The following PARP16 variants were observed in gnomAD, a reference collection of about 807,000 sequenced individuals.
PARP16 encodes poly(ADP-ribose) polymerase family member 16, also known as protein mono-ADP-ribosyltransferase PARP16.
A neutral mutation model predicts 35.0 loss-of-function variants in PARP16; 31 were observed. That is an observed-to-expected ratio of 0.88 (90% CI 0.66 to 1.19). The LOEUF is 1.19. Ranked by LOEUF, PARP16 falls within the 50% of genes most tolerant of loss-of-function variation. The pLI is 0.00. For missense variants in PARP16, 424 were observed against 411.2 expected, an observed-to-expected ratio of 1.03 and a Z score of -0.27; for synonymous variants, 162 against 169.5, an observed-to-expected ratio of 0.96 and a Z score of 0.34.
chr15:65,245,240 A>C (rs1218299589), intron 3 of PARP16, among the ~76,000 whole-genome samples: 1 of 152,020 alleles, frequency 6.6e-6, no homozygotes, highest in Non-Finnish European at 1.5e-5. Flanking sequence ...TCGCCACCCC[A>C]CCTCCTAACC....
At chr15:65,267,467 C>T (rs1489890626) in intron 2 of PARP16, among the ~76,000 whole-genome samples, 2 of 148,718 alleles carry the variant, frequency 1.3e-5, no homozygotes, top group East Asian at 2.1e-4. Flanking sequence ...ATTAGCCGGG[C>T]GTGGTGGTGG....
At chr15:65,233,274 C>T (rs191977394), downstream of PARP16, among the ~76,000 whole-genome samples, 2 of 152,010 alleles carry the variant, frequency 1.3e-5, no homozygotes, top group Non-Finnish European at 2.9e-5. Flanking sequence ...ATTAGCCGGG[C>T]GCCTGTAGTC....
rs571641769 is a variant in PARP16 at position 65,241,252 on chromosome 15, T to C, written c.*98-6429A>G. Among the ~76,000 whole-genome samples, 16 of 152,070 alleles carry C rather than the reference T, an allele frequency of 1.1e-4. No homozygotes were observed. The East Asian group carries it at 3.1e-3, about 29-fold the overall frequency. ...GCCTTCCAGGTTCAAGTGATTCTTC[T>C]GCCTCAGCCTCCCAAGTAGCTGGGG... On this transcript the variant is annotated intron_variant and NMD_transcript_variant, in intron 3 of 3. Transcript: ENST00000559805.
downstream of PARP16, chr15:65,258,048 T>C (rs953088811): frequency 1.1e-4 from 16 of 152,246 alleles, no homozygotes; most frequent in African/African-American, 2.9e-4. Context: ...CAACAAGGCA[T>C]ATAGGGCAGA....
At chr15:65,260,544 T>A (rs1231151747) in intron 5 of PARP16, among the ~76,000 whole-genome samples, 1 of 152,206 alleles carries the variant, frequency 6.6e-6, no homozygotes, top group Non-Finnish European at 1.5e-5. Context: ...GTCACTGCCC[T>A]GCCTCTCAGC....
intron 3 of PARP16, among the ~76,000 whole-genome samples, chr15:65,242,391 T>C (rs1401346011): frequency 1.8e-5 from 2 of 112,944 alleles, no homozygotes; most frequent in Non-Finnish European, 3.8e-5. Context: ...TCAGCTTGTT[T>C]ACTACAAAAA....
At chr15:65,281,778 C>G (rs921196796) in intron 1 of PARP16, among the ~76,000 whole-genome samples, 10 of 151,542 alleles carry the variant, frequency 6.6e-5, no homozygotes, top group African/African-American at 2.4e-4. Flanking sequence ...ACTTTGAGGA[C>G]AGTGGTAAGA....
At chr15:65,276,288 C>G (rs1174729178) in intron 1 of PARP16, among the ~76,000 whole-genome samples, 1 of 152,216 alleles carries the variant, frequency 6.6e-6, no homozygotes, top group African/African-American at 2.4e-5. Context: ...GGGAACCAGG[C>G]ACACAAGTAG....
intron 2 of PARP16, among the ~76,000 whole-genome samples, chr15:65,249,578 C>T (rs550922667): frequency 2.0e-4 from 30 of 152,350 alleles, no homozygotes; most frequent in African/African-American, 7.0e-4. Context: ...GCAGCCCCAC[C>T]CAGCCAGGCA....
At chr15:65,272,432 G>C (rs2090124597) in intron 1 of PARP16, among the ~76,000 whole-genome samples, 1 of 152,214 alleles carries the variant, frequency 6.6e-6, no homozygotes, top group South Asian at 2.1e-4. Context: ...TTGCTCAGAA[G>C]TTATGACTGA....
chr15:65,273,886 A>AAC (rs2090169322), intron 1 of PARP16, among the ~76,000 whole-genome samples: 1 of 151,466 alleles, frequency 6.6e-6, no homozygotes, highest in African/African-American at 2.4e-5. Context: ...CAAAAAAAAA[A>AAC]AAAACAAAAA....
At chr15:65,267,437 C>T (rs533301954) in intron 2 of PARP16, among the ~76,000 whole-genome samples, 43 of 150,904 alleles carry the variant, frequency 2.8e-4, no homozygotes, top group African/African-American at 9.7e-4. Context: ...GAAACCCCGT[C>T]TCTACTAAAA....
At chr15:65,282,692 C>T (rs2090456016) in intron 1 of PARP16, 2 of 152,166 alleles carry the variant, frequency 1.3e-5, no homozygotes, top group Non-Finnish European at 2.9e-5. Flanking sequence ...CAGTAGCCCT[C>T]AAGAGAAAGG....
intron 3 of PARP16, among the ~76,000 whole-genome samples, chr15:65,244,353 G>C (rs1320761648): frequency 1.3e-5 from 2 of 152,202 alleles, no homozygotes; most frequent in Non-Finnish European, 2.9e-5. Context: ...ATAAAGGAAA[G>C]AGGTTTAATG....
At chr15:65,268,768 T>C (rs1002426889) in intron 2 of PARP16, among the ~76,000 whole-genome samples, 5 of 152,094 alleles carry the variant, frequency 3.3e-5, no homozygotes, top group African/African-American at 7.2e-5. Flanking sequence ...TTTTCTTTTT[T>C]TTTTGAGATG....
downstream of PARP16, among the ~76,000 whole-genome samples, chr15:65,232,720 T>G (rs368340011): frequency 6.6e-6 from 1 of 151,918 alleles, no homozygotes; most frequent in Non-Finnish European, 1.5e-5. Context: ...CTGGACAACA[T>G]AGCAAGACCC....
At chr15:65,262,792 C>T (rs535112131) in intron 4 of PARP16, among the ~76,000 whole-genome samples, 19 of 152,304 alleles carry the variant, frequency 1.2e-4, no homozygotes, top group African/African-American at 3.6e-4. Context: ...AAGGAGCCCA[C>T]GCACTGGCTT....
At chr15:65,262,956 T>C (rs1367893362) in intron 4 of PARP16, among the ~76,000 whole-genome samples, 193 bp downstream of exon 4, 1 of 152,082 alleles carries the variant, frequency 6.6e-6, no homozygotes, top group African/African-American at 2.4e-5. Context: ...CCCCTTGTAG[T>C]GAATGGTCTC....
chr15:65,238,166 C>G (rs1488788016), intron 3 of PARP16, among the ~76,000 whole-genome samples: 4 of 152,110 alleles, frequency 2.6e-5, no homozygotes, highest in Non-Finnish European at 1.5e-5. Context: ...GGCCTGTAAT[C>G]CCAGCTACTT....
Sources: allele counts gnomAD v4.1 joint callset (sites outside exome capture counted in the v4.1 genomes callset), GRCh38; gene constraint gnomAD v4.1.1; transcripts MANE v1.5; gene names NCBI Gene and HGNC (gene_info 2026-07-23, HGNC 2026-07-21).